The following NBAS variants were observed in gnomAD, a reference collection of about 807,000 sequenced individuals.
The protein encoded by NBAS is NAG/BC035112 fusion.
Under a neutral mutation model 302.5 loss-of-function variants are expected in NBAS, and 219 were observed. The observed-to-expected ratio is 0.72, with a 90% CI of 0.65 to 0.81. The LOEUF (loss-of-function observed/expected upper bound fraction) is 0.81, where lower values mean the gene tolerates loss of function less well. Among genes scored for constraint, NBAS ranks in the 30% least tolerant of loss-of-function variants. The probability of loss-of-function intolerance (pLI) is 0.00; values close to 1 mark genes in which losing one functional copy is unlikely to be tolerated. For synonymous variants in NBAS, 1,118 were observed against 1,021.6 expected (o/e 1.09, Z -1.80); for missense variants, 2,932 against 2,841.6 (o/e 1.03, Z -0.72).
intron 10 of NBAS, among the ~76,000 whole-genome samples, chr2:15,510,420 T>C (rs531933166): frequency 2.6e-5 from 4 of 152,292 alleles, no homozygotes; most frequent in East Asian, 1.9e-4. Context: ...TAAACGGAGA[T>C]AGTGGGACCC....
At chr2:15,336,139 T>C (rs1180622437) in intron 35 of NBAS, among the ~76,000 whole-genome samples, 1 of 151,702 alleles carries the variant, frequency 6.6e-6, no homozygotes, top group Non-Finnish European at 1.5e-5. Flanking sequence ...ATCAAAAAGA[T>C]GTTCTAAGTT....
At chr2:15,111,519 A>C in the NBAS span, among the ~76,000 whole-genome samples, 2 of 152,084 alleles carry the variant, frequency 1.3e-5, no homozygotes, top group African/African-American at 4.8e-5. Flanking sequence ...CATTTCTTGC[A>C]AATTTATTGT....
the NBAS span, among the ~76,000 whole-genome samples, chr2:14,810,308 T>C: frequency 6.6e-6 from 1 of 152,178 alleles, no homozygotes; most frequent in Admixed American, 6.5e-5. Context: ...CCATGTGTTG[T>C]GGAAGGAACC....
At chr2:15,525,210 G>A (rs985061271) in intron 9 of NBAS, among the ~76,000 whole-genome samples, 4 of 150,376 alleles carry the variant, frequency 2.7e-5, no homozygotes, top group African/African-American at 7.6e-5. Context: ...CTCTGAAGCC[G>A]GCTGTTGCCT....
At chr2:15,144,206 T>C in the NBAS span, among the ~76,000 whole-genome samples, 1 of 151,794 alleles carries the variant, frequency 6.6e-6, no homozygotes, top group South Asian at 2.1e-4. Flanking sequence ...AAAGACAACA[T>C]GCATTCCACA....
chr2:14,939,763 T>C, the NBAS span, among the ~76,000 whole-genome samples: 1 of 152,250 alleles, frequency 6.6e-6, no homozygotes, highest in African/African-American at 2.4e-5. Flanking sequence ...AGACATTCCA[T>C]TGTTTGAGGA....
the NBAS span, among the ~76,000 whole-genome samples, chr2:14,970,799 T>G: frequency 6.6e-6 from 1 of 152,226 alleles, no homozygotes; most frequent in African/African-American, 2.4e-5. Flanking sequence ...CAGCATTCAT[T>G]TCCAGTTTGT....
chr2:14,791,833 T>TAAAA, the NBAS span, among the ~76,000 whole-genome samples: 1 of 145,806 alleles, frequency 6.9e-6, no homozygotes, highest in Non-Finnish European at 1.5e-5. Flanking sequence ...AATAAATAAA[T>TAAAA]AAATAAATAA....
At chr2:14,844,053 A>G in the NBAS span, among the ~76,000 whole-genome samples, 2 of 152,178 alleles carry the variant, frequency 1.3e-5, no homozygotes, top group African/African-American at 4.8e-5. Context: ...TGACCTACTG[A>G]GGCACCAGTT....
At chr2:15,311,315 T>A (rs962499851) in intron 38 of NBAS, among the ~76,000 whole-genome samples, 1 of 152,222 alleles carries the variant, frequency 6.6e-6, no homozygotes. Flanking sequence ...ATTTGGGGTC[T>A]GAAGCAGTAA....
intron 48 of NBAS, 142 bp downstream of exon 48, chr2:15,218,631 G>T: frequency 2.0e-6 from 2 of 1,017,738 alleles, no homozygotes; most frequent in Non-Finnish European, 1.5e-6. Context: ...ATGTTGGCCA[G>T]GTGCCAGGCT....
chr2:15,508,868 T>TG (rs986170729), intron 10 of NBAS, among the ~76,000 whole-genome samples: 4 of 151,952 alleles, frequency 2.6e-5, no homozygotes, highest in Non-Finnish European at 5.9e-5. Context: ...CCGGGCATGA[T>TG]GGGGGGTGCC....
the NBAS span, among the ~76,000 whole-genome samples, chr2:15,020,576 G>A: frequency 6.6e-6 from 1 of 152,172 alleles, no homozygotes; most frequent in Non-Finnish European, 1.5e-5. Context: ...AAAGGGGCAG[G>A]AAAGAGAAGC....
intron 50 of NBAS, 136 bp from the exon 51 acceptor site, chr2:15,179,252 G>A (rs1664708453): frequency 7.7e-7 from 1 of 1,307,066 alleles, no homozygotes; most frequent in East Asian, 2.5e-5. Context: ...GTACCGCACT[G>A]GATATACTGA....
the NBAS span, among the ~76,000 whole-genome samples, chr2:15,067,612 A>G: frequency 6.6e-6 from 1 of 152,088 alleles, no homozygotes; most frequent in South Asian, 2.1e-4. Flanking sequence ...CCACTTATAT[A>G]AAGTATCTAA....
At chr2:15,009,098 A>C in the NBAS span, among the ~76,000 whole-genome samples, 2 of 152,234 alleles carry the variant, frequency 1.3e-5, no homozygotes, top group South Asian at 4.1e-4. Flanking sequence ...ATGCTGAACT[A>C]CCATCAAGAA....
intron 48 of NBAS, among the ~76,000 whole-genome samples, chr2:15,202,621 C>T (rs1039199604): frequency 2.6e-5 from 4 of 152,100 alleles, no homozygotes; most frequent in African/African-American, 9.7e-5. Context: ...CTCACTGCAA[C>T]CTCCGCCTCC....
intron 9 of NBAS, among the ~76,000 whole-genome samples, chr2:15,521,929 C>T (rs975831077): frequency 6.6e-6 from 1 of 152,132 alleles, no homozygotes; most frequent in East Asian, 1.9e-4. Context: ...GACCATATGG[C>T]CTGCACAGTC....
intron 44 of NBAS, among the ~76,000 whole-genome samples, chr2:15,248,851 G>C (rs1393214419): frequency 6.6e-6 from 1 of 152,108 alleles, no homozygotes; most frequent in African/African-American, 2.4e-5. Context: ...TCCAGGACCA[G>C]AGGGACTCAG....
Sources: allele counts gnomAD v4.1 joint callset (sites outside exome capture counted in the v4.1 genomes callset), GRCh38; gene constraint gnomAD v4.1.1; transcripts MANE v1.5; gene names NCBI Gene and HGNC (gene_info 2026-07-23, HGNC 2026-07-21).